Variants in IQCH observed in about 807,000 individuals in gnomAD.
The protein encoded by IQCH is IQ domain-containing protein H.
A neutral mutation model predicts 117.0 loss-of-function variants in IQCH; 98 were observed. That is an observed-to-expected ratio of 0.84 (90% CI 0.71 to 0.99). The LOEUF (loss-of-function observed/expected upper bound fraction) is 0.99, where lower values mean the gene tolerates loss of function less well. IQCH is among the 50% of genes least tolerant of loss of function. The pLI, the probability that IQCH is intolerant of heterozygous loss-of-function variation, is 0.00. For missense variants in IQCH, 1,102 were observed against 1,243.8 expected (o/e 0.89, Z 1.72); for synonymous variants, 412 against 448.2 (o/e 0.92, Z 1.02).
At chr15:67,367,042 G>A (rs78140934) in intron 8 of IQCH, among the ~76,000 whole-genome samples, 3,645 of 152,212 alleles carry the variant, frequency 0.024, 74 homozygotes, top group Non-Finnish European at 0.04. Context: ...TCAGAGAGGC[G>A]TAGGGTATCA....
At position 67,494,679 on chromosome 15, in the gene IQCH, G is replaced by A. The variant is rs1376397725; in HGVS notation, c.2970+313G>A. ...TCACAATGGAACCAAAACAGAGATC[G>A]TCACAACCAAAAATTGCGAATGTTA... On this transcript the variant is annotated intron_variant, in intron 20 of 20. Coordinates refer to ENST00000335894, the MANE Select transcript of IQCH (RefSeq NM_001031715.3). The surrounding 1 kb of genome is among the most constrained non-coding windows in gnomAD (Gnocchi z 5.5). Among the ~76,000 whole-genome samples the A allele has an allele frequency of 3.9e-5, 6 of 152,156 alleles. No individual in the cohort carries two copies. The highest frequency in any genetic ancestry group is 2.1e-4 in the South Asian group (1 of 4,824).
chr15:67,316,832 C>T (rs1967871191), intron 4 of IQCH, among the ~76,000 whole-genome samples: 1 of 152,162 alleles, frequency 6.6e-6, no homozygotes. Flanking sequence ...TTATCCTTTT[C>T]TATACTACCT....
intron 4 of IQCH, among the ~76,000 whole-genome samples, chr15:67,299,998 G>A (rs919022740): frequency 1.3e-5 from 2 of 151,920 alleles, no homozygotes; most frequent in African/African-American, 4.8e-5. Context: ...ACTTTAATAC[G>A]TTATTTCATT....
chr15:67,460,054 G>A (rs1192525107), intron 16 of IQCH: 1 of 152,216 alleles, frequency 6.6e-6, no homozygotes, highest in Non-Finnish European at 1.5e-5. Context: ...AGGAGGCTGA[G>A]GCAGGAGGAT....
chr15:67,312,197 G>T (rs977349963), intron 4 of IQCH, among the ~76,000 whole-genome samples: 1 of 152,102 alleles, frequency 6.6e-6, no homozygotes, highest in South Asian at 2.1e-4. Context: ...GGGTACAGGG[G>T]TCCATGGGTA....
intron 3 of IQCH, among the ~76,000 whole-genome samples, chr15:67,267,975 G>A (rs570387001): frequency 3.9e-5 from 6 of 151,946 alleles, no homozygotes; most frequent in Admixed American, 3.9e-4. Flanking sequence ...TTAAACTTAC[G>A]AGGTAAATGT....
intron 6 of IQCH, 143 bp downstream of exon 6, chr15:67,344,334 C>T (rs1268376551): frequency 3.4e-6 from 2 of 591,550 alleles, no homozygotes; most frequent in Admixed American, 7.0e-5. Context: ...ACTACATTCC[C>T]ACAGTCAGCT....
At chr15:67,429,205 T>C (rs534777918) in intron 16 of IQCH, among the ~76,000 whole-genome samples, 2 of 152,322 alleles carry the variant, frequency 1.3e-5, no homozygotes, top group Non-Finnish European at 2.9e-5. Context: ...TTCTTTGTGT[T>C]TTCTGCAAAA....
In IQCH at chr15:67,421,460, C is replaced by T; in HGVS notation, c.2388C>T (p.Pro796=). Residue 796 remains proline, a synonymous_variant, in exon 16 of 21, where the codon CCC becomes CCT. Transcript: ENST00000335894. ...CCGTGCCTCAGACCTCAGTGGATCC[C>T]CAAGTTCTCACTTATTTGTGCCTCC... ...GTTVPQTSVD[P]QVLTYLCLQI... The T allele has an allele frequency of 3.1e-6, 5 of 1,614,168 alleles. No individual in the cohort carries two copies. The highest frequency in any genetic ancestry group is 4.2e-6 in the Non-Finnish European group (5 of 1,180,020).
chr15:67,338,606 C>A (rs959346901), intron 5 of IQCH, among the ~76,000 whole-genome samples: 10 of 152,142 alleles, frequency 6.6e-5, no homozygotes, highest in African/African-American at 2.2e-4. Context: ...TAATAACATG[C>A]AGAAGAGAGA....
intron 14 of IQCH, among the ~76,000 whole-genome samples, chr15:67,402,763 C>T (rs567907175): frequency 1.8e-4 from 27 of 152,318 alleles, no homozygotes; most frequent in African/African-American, 5.8e-4. Flanking sequence ...TATGTTAATA[C>T]TTACAAATAG....
In IQCH at chr15:67,491,555, A is replaced by G. The variant is rs1294149495; in HGVS notation, c.2861+1491A>G. On this transcript the variant is annotated intron_variant, in intron 19 of 20. Transcript: ENST00000335894. The surrounding 1 kb of genome is among the most constrained non-coding windows in gnomAD (Gnocchi z 4.9). ...TCCCCCAAGATCCCATAAACATGCA[A>G]AACTTATTGGGTCTTGTTAAGAAAG... Among the ~76,000 whole-genome samples, 1 of 152,108 alleles carries G rather than the reference A, an allele frequency of 6.6e-6. No homozygotes were observed. Among genetic ancestry groups the G allele is most frequent in the Non-Finnish European group, 1.5e-5 (1 of 68,010 alleles).
chr15:67,442,296 G>A (rs1054362092), intron 16 of IQCH, among the ~76,000 whole-genome samples: 1 of 151,974 alleles, frequency 6.6e-6, no homozygotes, highest in African/African-American at 2.4e-5. Flanking sequence ...TGTAATCCCA[G>A]CTACTCGGGA....
intron 4 of IQCH, among the ~76,000 whole-genome samples, chr15:67,322,199 CT>C (rs1968167843): frequency 6.6e-6 from 1 of 152,132 alleles, no homozygotes; most frequent in Non-Finnish European, 1.5e-5. Context: ...AAACTTTCAT[CT>C]GTTTAAGACT....
At chr15:67,285,768 G>A (rs1966539532) in intron 4 of IQCH, among the ~76,000 whole-genome samples, 1 of 152,048 alleles carries the variant, frequency 6.6e-6, no homozygotes, top group South Asian at 2.1e-4. Context: ...TTGTAGGTGT[G>A]CAGTCTTATT....
At position 67,411,060 on chromosome 15, in the gene IQCH, C is replaced by A. The variant is rs554419123; in HGVS notation, c.2098-5871C>A. 6.0e-4 allele frequency among the ~76,000 whole-genome samples: 91 copies of A among 152,208 alleles called. 1 individual carries two copies. The highest frequency in any genetic ancestry group is 2.0e-3 in the African/African-American group (85 of 41,544). On this transcript the variant is annotated intron_variant, in intron 14 of 20. Transcript: ENST00000335894. The surrounding 1 kb of genome is among the most constrained non-coding windows in gnomAD (Gnocchi z 4.4). The stretch of plus-strand genomic sequence containing the variant: ...CTGCACATGCCTACCATATGGTGAG[C>A]TTTTAATTATTAAAAGCTTTTAGGA...
At chr15:67,340,462 A>C (rs974212754) in intron 5 of IQCH, among the ~76,000 whole-genome samples, 3 of 142,930 alleles carry the variant, frequency 2.1e-5, no homozygotes, top group Non-Finnish European at 4.6e-5. Context: ...AAAAAAAAAA[A>C]AACAGTAACT....
chr15:67,329,163 GT>G (rs1968546715), intron 4 of IQCH, among the ~76,000 whole-genome samples: 1 of 152,030 alleles, frequency 6.6e-6, no homozygotes, highest in Admixed American at 6.6e-5. Context: ...CCCAGGCCTG[GT>G]GGTGTGCACC....
intron 4 of IQCH, among the ~76,000 whole-genome samples, chr15:67,318,287 G>A (rs1425192226): frequency 1.3e-5 from 2 of 150,214 alleles, no homozygotes; most frequent in Non-Finnish European, 3.0e-5. Flanking sequence ...CCTCTCCACA[G>A]TCCCCTCTCT....
Sources: gnomAD v4.1 joint callset for allele counts (sites outside exome capture counted in the v4.1 genomes callset) on GRCh38, gnomAD v4.1.1 for gene constraint, Gnocchi (gnomAD v3.1) non-coding constraint, MANE v1.5 for transcripts, NCBI Gene and HGNC (gene_info 2026-07-23, HGNC 2026-07-21) for gene names.